Variants in ERBIN observed in about 807,000 individuals in gnomAD.
ERBIN encodes the protein densin-180-like protein.
In ERBIN, 60 loss-of-function variants were observed where a neutral mutation model predicts 158.4. The observed-to-expected ratio is 0.38, with a 90% CI of 0.31 to 0.47. The LOEUF is 0.47. Ranked by LOEUF, ERBIN falls within the 20% of genes least tolerant of loss-of-function variation. The pLI is 0.99. For missense variants in ERBIN, 1,610 were observed against 1,648.0 expected (o/e 0.98, Z 0.40); for synonymous variants, 594 against 557.2 (o/e 1.07, Z -0.93).
At chr5:66,026,849 AC>A (rs1022242384) in intron 13 of ERBIN, among the ~76,000 whole-genome samples, 1 of 151,916 alleles carries the variant, frequency 6.6e-6, no homozygotes, top group Non-Finnish European at 1.5e-5. Context: ...TCTTACAGTT[AC>A]CTTTTATTTC....
At chr5:66,007,149 A>C (rs1012298677) in intron 4 of ERBIN, among the ~76,000 whole-genome samples, 2 of 152,144 alleles carry the variant, frequency 1.3e-5, no homozygotes, top group Admixed American at 1.3e-4. Context: ...CAAATGTCCA[A>C]CAATGATAGA....
rs905574612 is a variant in ERBIN at position 66,079,089 on chromosome 5, G to A, written c.*559G>A. ...CACTTTCCAAGGCCAGACTAAAACAGTTATTTTCTATAAAAATCTGGAAGC... is the reference window on the plus strand; with the variant it reads ...CACTTTCCAAGGCCAGACTAAAACAATTATTTTCTATAAAAATCTGGAAGC... On this transcript the variant is annotated 3_prime_UTR_variant, in exon 26 of 26. Transcript: ENST00000284037. The A allele has an allele frequency of 6.5e-6, 1 of 152,726 alleles. No individual in the cohort carries two copies. Among genetic ancestry groups the A allele is most frequent in the South Asian group, 2.1e-4 (1 of 4,830 alleles). The allele number at this position is 152,726 out of a possible 1,614,324, so 9.5% of individuals were successfully genotyped here.
At chr5:66,041,543 A>G (rs954669469) in intron 15 of ERBIN, among the ~76,000 whole-genome samples, 1 of 152,054 alleles carries the variant, frequency 6.6e-6, no homozygotes, top group African/African-American at 2.4e-5. Context: ...TGATATCCTG[A>G]ATCTTCAAAG....
chr5:66,035,491 T>A (rs757764226), intron 14 of ERBIN, among the ~76,000 whole-genome samples: 19 of 152,126 alleles, frequency 1.2e-4, no homozygotes, highest in Non-Finnish European at 2.2e-4. Flanking sequence ...AACATCCTAG[T>A]GTTTGTGTAT....
chr5:66,059,894 G>C (rs1483347774), intron 21 of ERBIN, among the ~76,000 whole-genome samples: 1 of 152,182 alleles, frequency 6.6e-6, no homozygotes, highest in Non-Finnish European at 1.5e-5. Context: ...AAGCCCACTT[G>C]ATCATGGTGG....
At chr5:65,957,681 C>T (rs544908649) in intron 1 of ERBIN, among the ~76,000 whole-genome samples, 9 of 152,254 alleles carry the variant, frequency 5.9e-5, no homozygotes, top group East Asian at 3.9e-4. Context: ...CTTTTCTATT[C>T]GACAAAACCG....
intron 1 of ERBIN, among the ~76,000 whole-genome samples, chr5:65,959,742 T>G (rs2150953372): frequency 6.6e-6 from 1 of 152,326 alleles, no homozygotes; most frequent in African/African-American, 2.4e-5. Context: ...CCTTTTTTTC[T>G]GTTTCAAGTG....
intron 1 of ERBIN, among the ~76,000 whole-genome samples, chr5:65,929,472 T>C: frequency 6.6e-6 from 1 of 152,166 alleles, no homozygotes; most frequent in East Asian, 1.9e-4. Flanking sequence ...TTTTTCGTAA[T>C]TGCTGCTTAT....
intron 25 of ERBIN, 68 bp downstream of exon 25, chr5:66,077,017 T>C: frequency 8.1e-7 from 1 of 1,237,902 alleles, no homozygotes; most frequent in African/African-American, 1.6e-5. Context: ...TTAAAATGTT[T>C]TCACTTTAAC....
Position 66,054,569 on chromosome 5 carries a change from C to T in ERBIN, c.3251C>T (p.Ala1084Val). 6.2e-7 allele frequency: 1 copy of T among 1,614,142 alleles called. No individual in the cohort carries two copies. Among genetic ancestry groups the T allele is most frequent in the South Asian group, 1.1e-5 (1 of 91,082 alleles). ...CGACAAAGTAGTGTGTCCTCCACAG[C>T]CTCTGTAAATCTTGGTGATCCAGGC... ...IQRQSSVSST[A>V]SVNLGDPGST... Residue 1084 changes from alanine (A) to valine (V), a missense_variant, in exon 21 of 26, where the codon GCC becomes GTC. By Grantham distance (64) the Ala-to-Val change is moderately conservative. Transcript: ENST00000284037.
At chr5:65,961,668 A>T (rs982527767) in intron 1 of ERBIN, among the ~76,000 whole-genome samples, 1 of 152,202 alleles carries the variant, frequency 6.6e-6, no homozygotes, top group East Asian at 1.9e-4. Flanking sequence ...CCATTAGGAA[A>T]TTCCAGCTTT....
intron 1 of ERBIN, among the ~76,000 whole-genome samples, chr5:65,973,557 C>G (rs978320125): frequency 1.3e-5 from 2 of 151,278 alleles, no homozygotes; most frequent in Non-Finnish European, 2.9e-5. Context: ...CTAGGATTCT[C>G]AAATCAGGTC....
At chr5:66,021,034 G>A (rs1402942021) in intron 7 of ERBIN, among the ~76,000 whole-genome samples, 1 of 151,892 alleles carries the variant, frequency 6.6e-6, no homozygotes, top group Non-Finnish European at 1.5e-5. Context: ...TGAAAAAATA[G>A]AAACTCATTA....
chr5:65,930,718 T>C (rs1367544863), intron 1 of ERBIN, among the ~76,000 whole-genome samples: 3 of 152,248 alleles, frequency 2.0e-5, no homozygotes, highest in Non-Finnish European at 4.4e-5. Flanking sequence ...TATTAAGACT[T>C]TGTAACCCTC....
At chr5:65,956,302 G>GCATGCATT (rs1194262407) in intron 1 of ERBIN, among the ~76,000 whole-genome samples, 26 of 151,662 alleles carry the variant, frequency 1.7e-4, no homozygotes, top group Admixed American at 7.2e-4. Flanking sequence ...TAGCATGCAT[G>GCATGCATT]CATGCATTCA....
chr5:66,054,525 A>T lies in ERBIN; in HGVS notation c.3207A>T (p.Val1069=), dbSNP rs1156424070. The stretch of plus-strand genomic sequence containing the variant: ...CAAACGACCGACTTATTCCTGCAGT[A>T]ACTCGAAGTACAATCCAGCGACAAA... The part of the protein sequence containing the change: ...ISPNDRLIPA[V]TRSTIQRQSS... The change falls in exon 21 of 26, where the codon GTA becomes GTT. Residue 1069 remains valine (V), a synonymous_variant. Transcript: ENST00000284037. The T allele has an allele frequency of 6.2e-7, 1 of 1,614,094 alleles. No homozygotes were observed. Among genetic ancestry groups the T allele is most frequent in the Non-Finnish European group, 8.5e-7 (1 of 1,180,022 alleles).
intron 1 of ERBIN, among the ~76,000 whole-genome samples, chr5:65,951,869 A>AT (rs1356104004): frequency 1.3e-5 from 2 of 152,196 alleles, no homozygotes; most frequent in Non-Finnish European, 2.9e-5. Flanking sequence ...ATCATGACTG[A>AT]TTCATTTGTG....
intron 1 of ERBIN, among the ~76,000 whole-genome samples, chr5:65,958,607 CG>C (rs1240954708): frequency 8.4e-6 from 1 of 118,736 alleles, no homozygotes; most frequent in Non-Finnish European, 1.7e-5. Context: ...AGAGGGAGAC[CG>C]TGGAAGGAGA....
rs189041535 is a variant in ERBIN at position 65,958,078 on chromosome 5, C to T, written c.-57-30557C>T. 6.6e-4 allele frequency among the ~76,000 whole-genome samples: 100 copies of T among 150,628 alleles called. 1 individual carries two copies. In the East Asian group the frequency reaches 0.014, roughly 21 times the overall value. ...CAGACGATGGGCGGCAGGGCAGAGA[C>T]GCTCCTTACTTCCTAGATGGGATGG... On this transcript the variant is annotated intron_variant, in intron 1 of 25. Transcript: ENST00000284037.
Sources: allele counts gnomAD v4.1 joint callset (sites outside exome capture counted in the v4.1 genomes callset), GRCh38; gene constraint gnomAD v4.1.1; transcripts MANE v1.5; gene names NCBI Gene and HGNC (gene_info 2026-07-23, HGNC 2026-07-21).